Variants in PLEKHG5 observed in about 807,000 individuals in gnomAD.
PLEKHG5 encodes pleckstrin homology and RhoGEF domain containing G5, also known as pleckstrin homology domain-containing family G member 5.
In PLEKHG5, 52 loss-of-function variants were observed where a neutral mutation model predicts 103.8. That is an observed-to-expected ratio of 0.50 (90% CI 0.40 to 0.63). The LOEUF (loss-of-function observed/expected upper bound fraction) is 0.63, where lower values mean the gene tolerates loss of function less well. Among genes scored for constraint, PLEKHG5 ranks in the 30% least tolerant of loss-of-function variants. The pLI is 0.00. For missense variants in PLEKHG5, 1,205 were observed against 1,347.6 expected, an observed-to-expected ratio of 0.89 and a Z score of 1.66; for synonymous variants, 592 against 575.5, an observed-to-expected ratio of 1.03 and a Z score of -0.41.
intron 1 of PLEKHG5, among the ~76,000 whole-genome samples, chr1:6,489,978 C>A (rs1307968737): frequency 2.0e-5 from 3 of 152,210 alleles, no homozygotes; most frequent in Non-Finnish European, 4.4e-5. Flanking sequence ...ACGGGTCTCC[C>A]GCATCCCCCA....
At position 6,473,234 on chromosome 1, in the gene PLEKHG5, C is replaced by A. The variant is rs1261282405; in HGVS notation, c.795+17G>T. 1 of 1,612,434 alleles carries A rather than the reference C, an allele frequency of 6.2e-7. No homozygotes were observed. Among genetic ancestry groups the A allele is most frequent in the African/African-American group, 1.3e-5 (1 of 74,920 alleles). The stretch of plus-strand genomic sequence containing the variant: ...GGCCAGCCAGCTGCCTGACCCTGGG[C>A]AGATGGGGCCACATACCCGGCCAAA... On this transcript the variant is annotated intron_variant, in intron 8 of 20. Transcript: ENST00000377728.
intron 20 of PLEKHG5, 115 bp from the exon 21 acceptor site, chr1:6,467,687 GC>G: frequency 2.1e-6 from 3 of 1,443,092 alleles, no homozygotes; most frequent in Non-Finnish European, 2.9e-6. Flanking sequence ...GCCCACCACA[GC>G]CCCCTGCGCC....
At position 6,490,894 on chromosome 1, in the gene PLEKHG5, TA is replaced by T. The variant is rs1473927694; in HGVS notation, c.-88+742del. Among the ~76,000 whole-genome samples, 13 of 152,006 alleles carry T rather than the reference TA, an allele frequency of 8.6e-5. No homozygotes were observed. The highest frequency in any genetic ancestry group is 5.8e-4 in the East Asian group (3 of 5,148). On this transcript the variant is annotated intron_variant, in intron 1 of 20. Coordinates refer to ENST00000377728, the MANE Select transcript of PLEKHG5 (RefSeq NM_020631.6). This position sits in a 1 kb window ranked among gnomAD's most constrained non-coding sequence, Gnocchi z 8.0. The stretch of plus-strand genomic sequence containing the variant: ...GAGCTCGCCCATCCCGGAAGGGGGC[TA>T]GGGGGGACCAGGGCCCGCGACAGGA...
chr1:6,496,495 T>C, upstream of PLEKHG5: 1 of 1,604,286 alleles, frequency 6.2e-7, no homozygotes, highest in Non-Finnish European at 8.5e-7. Flanking sequence ...CTCCCTACCT[T>C]GGCCGCCCGC....
chr1:6,477,539 A>G lies in PLEKHG5; in HGVS notation c.33T>C (p.Leu11=), dbSNP rs144859183. 668 of 1,611,516 alleles carry G rather than the reference A, an allele frequency of 4.1e-4. 2 individuals carry two copies. Among genetic ancestry groups the G allele is most frequent in the Non-Finnish European group, 5.2e-4 (617 of 1,179,850 alleles). The change falls in exon 2 of 21, where the codon CTT becomes CTC. Residue 11 remains leucine, a synonymous_variant. Coordinates refer to ENST00000377728, the MANE Select transcript of PLEKHG5 (RefSeq NM_020631.6). Reference sequence around the variant, plus strand: ...CCCGCCTGTGCTCACCTTGTGGGGGAAGGTCGAAGCGGACATGCCCATCAT... The same window carrying G: ...CCCGCCTGTGCTCACCTTGTGGGGGGAGGTCGAAGCGGACATGCCCATCAT... The part of the protein sequence containing the change: MHYDGHVRFD[L]PPQGSVLARN...
chr1:6,512,597 C>T (rs1570006920), intron 1 of PLEKHG5, among the ~76,000 whole-genome samples: 1 of 152,380 alleles, frequency 6.6e-6, no homozygotes, highest in East Asian at 1.9e-4. Flanking sequence ...CTCGGGACAA[C>T]TGCAGCCTGG....
chr1:6,492,344 G>A (rs924137505), upstream of PLEKHG5, among the ~76,000 whole-genome samples: 7 of 152,058 alleles, frequency 4.6e-5, no homozygotes, highest in Admixed American at 2.6e-4. Flanking sequence ...ACTAGACCTC[G>A]AACAGTGCCC....
In PLEKHG5 at chr1:6,490,105, G is replaced by T. The variant is rs540968169; in HGVS notation, c.-88+1532C>A. Among the ~76,000 whole-genome samples the T allele has an allele frequency of 1.3e-5, 2 of 152,134 alleles. No homozygotes were observed. The highest frequency in any genetic ancestry group is 4.8e-5 in the African/African-American group (2 of 41,442). On this transcript the variant is annotated intron_variant, in intron 1 of 20. Transcript: ENST00000377728. The surrounding 1 kb of genome is among the most constrained non-coding windows in gnomAD (Gnocchi z 8.0). ...CCGACTCCGGGACTGGCCAGATGGG[G>T]AGGATCGGCTGAGCCTCCCAGCCAC...
intron 1 of PLEKHG5, among the ~76,000 whole-genome samples, chr1:6,519,271 T>G (rs527964701): frequency 6.6e-6 from 1 of 152,180 alleles, no homozygotes; most frequent in Non-Finnish European, 1.5e-5. Context: ...CTTAACTCAC[T>G]GATTAATGGA....
intron 6 of PLEKHG5, 65 bp downstream of exon 6, chr1:6,474,386 G>T: frequency 1.3e-6 from 2 of 1,587,140 alleles, no homozygotes; most frequent in South Asian, 1.1e-5. Flanking sequence ...AGCCTGGGAA[G>T]GGCGCCCATC....
chr1:6,470,011 C>A (rs1220776992), intron 16 of PLEKHG5, among the ~76,000 whole-genome samples: 1 of 152,224 alleles, frequency 6.6e-6, no homozygotes, highest in Non-Finnish European at 1.5e-5. Context: ...GCCCTCCCAC[C>A]AGGAACCCAT....
At position 6,505,634 on chromosome 1, in the gene PLEKHG5, G is replaced by A. The variant is rs570417639; in HGVS notation, c.-164-9065C>T. On this transcript the variant is annotated intron_variant, in intron 1 of 21. Transcript: ENST00000377740. The surrounding 1 kb of genome is among the most constrained non-coding windows in gnomAD (Gnocchi z 4.2). ...GGGGACAAAAGGAGAAATGACCCAC[G>A]TCCTGGGACCTGGAACGTGAATGTT... is the stretch of plus-strand genomic sequence containing the variant. Among the ~76,000 whole-genome samples the A allele has an allele frequency of 6.8e-4, 103 of 152,244 alleles. No homozygotes were observed. Among genetic ancestry groups the A allele is most frequent in the African/African-American group, 2.4e-3 (98 of 41,514 alleles).
chr1:6,488,879 T>A (rs981134491), intron 1 of PLEKHG5, among the ~76,000 whole-genome samples: 3 of 149,890 alleles, frequency 2.0e-5, no homozygotes, highest in African/African-American at 7.4e-5. Flanking sequence ...AATAATGGAG[T>A]CTCCAAGGCA....
chr1:6,472,967 C>A lies in PLEKHG5; in HGVS notation c.984+19G>T, dbSNP rs1427367380. The A allele has an allele frequency of 1.2e-6, 2 of 1,611,088 alleles. No individual in the cohort carries two copies. Among genetic ancestry groups the A allele is most frequent in the Non-Finnish European group, 1.7e-6 (2 of 1,177,462 alleles). On this transcript the variant is annotated intron_variant, in intron 9 of 20. Transcript: ENST00000377728. ...TCCTTTCGGGACAAGGAGGGAGCAGCACTGTGGCCCGCACTCACCTCATGC... is the reference window on the plus strand; with the variant it reads ...TCCTTTCGGGACAAGGAGGGAGCAGAACTGTGGCCCGCACTCACCTCATGC...
upstream of PLEKHG5, chr1:6,496,471 C>T (rs1200278861): frequency 6.3e-7 from 1 of 1,586,472 alleles, no homozygotes; most frequent in Admixed American, 1.7e-5. Flanking sequence ...CCGAGGGTCC[C>T]CAGGCTCTCC....
chr1:6,472,784 G>A (rs1003991533), intron 9 of PLEKHG5, among the ~76,000 whole-genome samples, 162 bp from the exon 10 acceptor site: 2 of 152,204 alleles, frequency 1.3e-5, no homozygotes, highest in African/African-American at 4.8e-5. Context: ...TCACAGTTAA[G>A]ACACCCAAGA....
At chr1:6,500,548 C>G (rs72634731), upstream of PLEKHG5, among the ~76,000 whole-genome samples, 1 of 151,140 alleles carries the variant, frequency 6.6e-6, no homozygotes, top group African/African-American at 2.4e-5. Flanking sequence ...AACCTGGAAC[C>G]CTGAACCTCC....
upstream of PLEKHG5, among the ~76,000 whole-genome samples, chr1:6,495,207 G>A (rs1215682040): frequency 6.6e-6 from 1 of 152,268 alleles, no homozygotes; most frequent in African/African-American, 2.4e-5. Flanking sequence ...CCCCATCTGG[G>A]AAAGAGGCAA....
chr1:6,477,770 G>A, intron 1 of PLEKHG5, 112 bp from the exon 2 acceptor site: 1 of 1,189,976 alleles, frequency 8.4e-7, no homozygotes, highest in Non-Finnish European at 1.2e-6. Context: ...CTCGATCCAG[G>A]GTGAGGAGAC....
Sources: gnomAD v4.1 joint callset for allele counts (sites outside exome capture counted in the v4.1 genomes callset) on GRCh38, gnomAD v4.1.1 for gene constraint, Gnocchi (gnomAD v3.1) non-coding constraint, MANE v1.5 for transcripts, NCBI Gene and HGNC (gene_info 2026-07-23, HGNC 2026-07-21) for gene names.